Variants in AGBL1 observed in about 807,000 individuals in gnomAD.
The protein encoded by AGBL1 is cytosolic carboxypeptidase 4.
In AGBL1, 130 loss-of-function variants were observed where a neutral mutation model predicts 118.9. The ratio of observed to expected loss-of-function variants is 1.09; its 90% CI spans 0.95 to 1.26. The LOEUF (loss-of-function observed/expected upper bound fraction) is 1.26, where lower values mean the gene tolerates loss of function less well. Among genes scored for constraint, AGBL1 ranks in the 50% most tolerant of loss-of-function variants. The probability of loss-of-function intolerance (pLI) is 0.00; values close to 1 mark genes in which losing one functional copy is unlikely to be tolerated. For synonymous variants in AGBL1, 555 were observed against 478.9 expected (o/e 1.16, Z -2.08); for missense variants, 1,584 against 1,298.1 (o/e 1.22, Z -3.38).
At chr15:86,686,797 T>A (rs2086065997) in intron 22 of AGBL1, among the ~76,000 whole-genome samples, 1 of 152,126 alleles carries the variant, frequency 6.6e-6, no homozygotes, top group South Asian at 2.1e-4. Flanking sequence ...ATGAGATACA[T>A]AATATAATTA....
chr15:86,775,461 G>T (rs2141296214), intron 22 of AGBL1, among the ~76,000 whole-genome samples: 1 of 152,220 alleles, frequency 6.6e-6, no homozygotes, highest in East Asian at 1.9e-4. Context: ...CAAATCTATT[G>T]GTGCATCTTA....
Position 86,925,143 on chromosome 15 carries a change from A to AGAG in AGBL1, c.3222-62820_3222-62818dup, listed in dbSNP as rs1176964792. 2.4e-3 allele frequency among the ~76,000 whole-genome samples: 192 copies of AGAG among 80,586 alleles called. 4 individuals are homozygous for AGAG. Among genetic ancestry groups the AGAG allele is most frequent in the Admixed American group, 8.4e-3 (58 of 6,922 alleles). 52.9% of individuals were successfully genotyped at this position (80,586 alleles called of 152,430 possible). On this transcript the variant is annotated intron_variant, in intron 23 of 24. Coordinates refer to the AGBL1 transcript ENST00000441037. ...AAGAAGAAGAGGAAGAGGAAGAGGA[A>AGAG]GAGGAGGAGGAGGAGGAGGAGGAGG...
At chr15:86,977,692 GTAAT>G (rs1353512303) in intron 23 of AGBL1, among the ~76,000 whole-genome samples, 1 of 151,740 alleles carries the variant, frequency 6.6e-6, no homozygotes, top group Non-Finnish European at 1.5e-5. Flanking sequence ...AATTTAGTAT[GTAAT>G]TAATTACTTA....
chr15:86,924,212 G>A (rs1173728094), intron 23 of AGBL1, among the ~76,000 whole-genome samples: 2 of 152,184 alleles, frequency 1.3e-5, no homozygotes, highest in African/African-American at 2.4e-5. Flanking sequence ...TTTGCATCAC[G>A]ATAGATTGGC....
At chr15:86,126,181 T>C (rs1898417869) in intron 1 of AGBL1, among the ~76,000 whole-genome samples, 2 of 152,224 alleles carry the variant, frequency 1.3e-5, no homozygotes, top group Admixed American at 6.5e-5. Context: ...ATTAATTTTA[T>C]AACCACGCCT....
At chr15:86,838,605 A>G (rs1205947103) in intron 22 of AGBL1, among the ~76,000 whole-genome samples, 1 of 152,038 alleles carries the variant, frequency 6.6e-6, no homozygotes, top group South Asian at 2.1e-4. Flanking sequence ...ACAAAGTTTC[A>G]TCTGATAAAG....
chr15:86,640,362 T>C (rs1186667480), intron 21 of AGBL1, among the ~76,000 whole-genome samples: 1 of 152,198 alleles, frequency 6.6e-6, no homozygotes, highest in Non-Finnish European at 1.5e-5. Flanking sequence ...AGATATCTTT[T>C]ATAAAATTTA....
intron 22 of AGBL1, among the ~76,000 whole-genome samples, chr15:86,726,207 GCT>G (rs1474093550): frequency 6.6e-6 from 1 of 152,142 alleles, no homozygotes; most frequent in East Asian, 1.9e-4. Flanking sequence ...TAGCAAAAAA[GCT>G]CTCAATTACT....
At chr15:86,661,605 C>T (rs775418952) in intron 21 of AGBL1, among the ~76,000 whole-genome samples, 5 of 151,956 alleles carry the variant, frequency 3.3e-5, no homozygotes, top group Middle Eastern at 3.2e-3. Flanking sequence ...AAGACACCCA[C>T]GCACAAATTT....
At chr15:86,168,291 A>T (rs879626928) in intron 5 of AGBL1, among the ~76,000 whole-genome samples, 2 of 152,166 alleles carry the variant, frequency 1.3e-5, no homozygotes, top group Non-Finnish European at 2.9e-5. Context: ...ACTCACTGAG[A>T]GGGCAGCTTT....
intron 22 of AGBL1, among the ~76,000 whole-genome samples, chr15:86,770,480 G>C (rs2078161479): frequency 6.6e-6 from 1 of 151,830 alleles, no homozygotes; most frequent in South Asian, 2.1e-4. Flanking sequence ...AGAATTATTT[G>C]GTCCAAAATG....
chr15:86,533,661 A>C (rs974404594), intron 19 of AGBL1, among the ~76,000 whole-genome samples: 2 of 132,646 alleles, frequency 1.5e-5, no homozygotes, highest in Non-Finnish European at 1.6e-5. Context: ...ACACATGCAC[A>C]CGTATGTTTA....
At chr15:86,453,704 A>C (rs1166709742) in intron 18 of AGBL1, among the ~76,000 whole-genome samples, 4 of 152,192 alleles carry the variant, frequency 2.6e-5, no homozygotes, top group African/African-American at 7.2e-5. Context: ...TTCAGTGTTT[A>C]CATTCTTAGA....
At chr15:86,130,740 G>C (rs537278354) in intron 1 of AGBL1, among the ~76,000 whole-genome samples, 2 of 152,172 alleles carry the variant, frequency 1.3e-5, no homozygotes, top group South Asian at 4.2e-4. Flanking sequence ...ATCTCCTATT[G>C]AGATTGGTTT....
chr15:87,030,094 G>C (rs908573546), downstream of AGBL1, among the ~76,000 whole-genome samples: 1 of 151,860 alleles, frequency 6.6e-6, no homozygotes, highest in Non-Finnish European at 1.5e-5. Context: ...TAAACTTAAG[G>C]TATCTGGAAA....
chr15:86,594,241 C>T (rs1239989517), intron 21 of AGBL1, among the ~76,000 whole-genome samples: 8 of 152,020 alleles, frequency 5.3e-5, no homozygotes, highest in Admixed American at 2.6e-4. Flanking sequence ...GCTTGCATCC[C>T]GGGGATAAAA....
exon 24 of AGBL1, chr15:86,988,052 A>T: frequency 6.2e-7 from 1 of 1,613,596 alleles, no homozygotes; most frequent in East Asian, 2.2e-5. Context: ...GCCATTACAA[A>T]CTTTTTCAAG....
chr15:86,507,442 C>T (rs1282936639), intron 18 of AGBL1, among the ~76,000 whole-genome samples: 2 of 151,976 alleles, frequency 1.3e-5, no homozygotes, highest in Non-Finnish European at 2.9e-5. Context: ...TTTTTTGGGG[C>T]TGAGGATACA....
rs80088070 is a variant in AGBL1 at position 86,611,320 on chromosome 15, C to T, written c.2994+56783C>T. On this transcript the variant is annotated intron_variant, in intron 21 of 22. Transcript: ENST00000614907. ...TGTCACCAATATATTTGCATATTTG[C>T]GATGTGCAGCCATCTTAAATTAGCA... Among the ~76,000 whole-genome samples the T allele has an allele frequency of 3.8e-3, 576 of 152,280 alleles. 25 individuals carry two copies. In the East Asian group the frequency reaches 0.087, roughly 23 times the overall value.
Sources: gnomAD v4.1 joint callset for allele counts (sites outside exome capture counted in the v4.1 genomes callset) on GRCh38, gnomAD v4.1.1 for gene constraint, MANE v1.5 for transcripts, NCBI Gene and HGNC (gene_info 2026-07-23, HGNC 2026-07-21) for gene names.